PCDH15: variants seen among roughly 807,000 people sequenced by gnomAD.
PCDH15 encodes protocadherin related 15.
Under a neutral mutation model 178.5 loss-of-function variants are expected in PCDH15, and 129 were observed. That is an observed-to-expected ratio of 0.72 (90% confidence interval 0.63 to 0.84). The LOEUF (loss-of-function observed/expected upper bound fraction) is 0.84, where lower values mean the gene tolerates loss of function less well. Among genes scored for constraint, PCDH15 ranks in the 40% least tolerant of loss-of-function variants. PCDH15 has a pLI of 0.00. For synonymous variants in PCDH15, 800 were observed against 732.0 expected (o/e 1.09, Z -1.50); for missense variants, 2,230 against 2,099.9 (o/e 1.06, Z -1.21).
chr10:55,025,448 A>G (rs991844341), intron 2 of PCDH15, among the ~76,000 whole-genome samples: 1 of 152,162 alleles, frequency 6.6e-6, no homozygotes, highest in Non-Finnish European at 1.5e-5. Context: ...GTTTCATTTT[A>G]AAGTCCACCT....
At chr10:55,450,812 G>T (rs1050498081) in intron 2 of PCDH15, among the ~76,000 whole-genome samples, 3 of 151,800 alleles carry the variant, frequency 2.0e-5, no homozygotes, top group Non-Finnish European at 4.4e-5. Flanking sequence ...GACTGGTTCC[G>T]ATTATCCAGC....
rs1000248025 is a variant in PCDH15, at chr10:55,205,274, CCT to C, written c.-155-38625_-155-38624del. Among the ~76,000 whole-genome samples, 13 of 151,576 alleles carry C rather than the reference CCT, an allele frequency of 8.6e-5. 1 individual carries two copies. Among genetic ancestry groups the C allele is most frequent in the African/African-American group, 3.2e-4 (13 of 41,160 alleles). ...TTACAGATATCTATGATAATATAAACCTAAAGTATTTAGAATTCTCAATTAAA... is the reference window on the plus strand; with the variant it reads ...TTACAGATATCTATGATAATATAAACAAAGTATTTAGAATTCTCAATTAAA... On this transcript the variant is annotated intron_variant, in intron 1 of 5. Coordinates refer to the PCDH15 transcript ENST00000458638.
intron 1 of PCDH15, among the ~76,000 whole-genome samples, chr10:54,791,062 C>T (rs1376173281): frequency 1.3e-5 from 2 of 151,898 alleles, no homozygotes. Flanking sequence ...AACACAGCAC[C>T]TGAACTGCTT....
At chr10:55,070,579 A>G (rs1841708881) in intron 2 of PCDH15, among the ~76,000 whole-genome samples, 1 of 152,160 alleles carries the variant, frequency 6.6e-6, no homozygotes, top group Admixed American at 6.5e-5. Context: ...GTGAAAGATC[A>G]GATAGTTGTA....
chr10:54,654,421 C>G (rs1355728150), intron 2 of PCDH15, among the ~76,000 whole-genome samples: 1 of 152,072 alleles, frequency 6.6e-6, no homozygotes, highest in African/African-American at 2.4e-5. Flanking sequence ...AGTAAAAAAC[C>G]TCTGAGAAAA....
intron 3 of PCDH15, among the ~76,000 whole-genome samples, chr10:54,454,374 A>G (rs867322456): frequency 1.3e-4 from 20 of 149,470 alleles, no homozygotes; most frequent in African/African-American, 4.9e-4. Context: ...CTTTTCAAAA[A>G]TGGTGCAAAA....
At chr10:55,199,900 T>C (rs889707566) in intron 1 of PCDH15, among the ~76,000 whole-genome samples, 1 of 152,018 alleles carries the variant, frequency 6.6e-6, no homozygotes, top group South Asian at 2.1e-4. Flanking sequence ...AGAATTAAGG[T>C]TTGGTAGCCT....
intron 14 of PCDH15, among the ~76,000 whole-genome samples, chr10:54,144,107 G>A (rs1338692945): frequency 6.6e-6 from 1 of 151,946 alleles, no homozygotes; most frequent in African/African-American, 2.4e-5. Flanking sequence ...AGAAAATGCT[G>A]TGTTTCAGAA....
chr10:53,996,328 T>C (rs2091845571), intron 20 of PCDH15, among the ~76,000 whole-genome samples: 1 of 152,182 alleles, frequency 6.6e-6, no homozygotes, highest in Non-Finnish European at 1.5e-5. Flanking sequence ...GATATATTTA[T>C]ACACAGAAAA....
intron 1 of PCDH15, among the ~76,000 whole-genome samples, chr10:54,772,028 G>A (rs1949154125): frequency 6.6e-6 from 1 of 152,080 alleles, no homozygotes; most frequent in African/African-American, 2.4e-5. Flanking sequence ...CTGTTATATG[G>A]AAAACATCTA....
intron 2 of PCDH15, among the ~76,000 whole-genome samples, chr10:55,377,393 T>A (rs1837424324): frequency 6.6e-6 from 1 of 151,866 alleles, no homozygotes; most frequent in Admixed American, 6.6e-5. Flanking sequence ...TATTCATTAA[T>A]TTGTGATTTG....
At chr10:54,421,925 T>TACACAC (rs1174210982) in intron 3 of PCDH15, among the ~76,000 whole-genome samples, 10 of 26,952 alleles carry the variant, frequency 3.7e-4, no homozygotes, top group African/African-American at 1.8e-3. Flanking sequence ...TATATATATA[T>TACACAC]ACACTATATA....
chr10:54,193,695 T>G (rs1000416332), intron 11 of PCDH15, among the ~76,000 whole-genome samples: 1 of 152,132 alleles, frequency 6.6e-6, no homozygotes, highest in Non-Finnish European at 1.5e-5. Flanking sequence ...TGTGTATAGA[T>G]TAATGTGTTC....
intron 3 of PCDH15, among the ~76,000 whole-genome samples, chr10:54,444,123 C>T (rs961009533): frequency 6.6e-6 from 1 of 151,600 alleles, no homozygotes; most frequent in African/African-American, 2.4e-5. Context: ...GAATATTTAC[C>T]TGGTATTTCT....
At chr10:55,262,490 C>A (rs535061911) in intron 1 of PCDH15, among the ~76,000 whole-genome samples, 25 of 152,302 alleles carry the variant, frequency 1.6e-4, no homozygotes, top group African/African-American at 6.0e-4. Context: ...AGGAACACAT[C>A]AGCAGAGGAA....
chr10:55,212,773 T>C (rs1840602812), intron 1 of PCDH15, among the ~76,000 whole-genome samples: 1 of 152,082 alleles, frequency 6.6e-6, no homozygotes, highest in Non-Finnish European at 1.5e-5. Flanking sequence ...ATACTGCAGT[T>C]CTTTAATCAT....
At chr10:55,248,801 C>T (rs1339139857) in intron 1 of PCDH15, among the ~76,000 whole-genome samples, 1 of 152,062 alleles carries the variant, frequency 6.6e-6, no homozygotes, top group Non-Finnish European at 1.5e-5. Flanking sequence ...AAGTGATTCC[C>T]CCACCTCAGC....
chr10:54,242,894 AAACTTTGATGTATTATAT>A (rs2055557079), intron 8 of PCDH15, among the ~76,000 whole-genome samples: 1 of 152,206 alleles, frequency 6.6e-6, no homozygotes. Context: ...TATAAAAGCC[AAACTTTGATGTATTATAT>A]AATATTCCAC....
chr10:55,106,076 T>C (rs1842667935), intron 2 of PCDH15, among the ~76,000 whole-genome samples: 1 of 152,122 alleles, frequency 6.6e-6, no homozygotes. Flanking sequence ...AATCAGTGTG[T>C]TGACTATTTC....
Sources: gnomAD v4.1 joint callset for allele counts (sites outside exome capture counted in the v4.1 genomes callset) on GRCh38, gnomAD v4.1.1 for gene constraint, MANE v1.5 for transcripts, NCBI Gene and HGNC (gene_info 2026-07-23, HGNC 2026-07-21) for gene names.